Variants in ZNF821 observed in about 807,000 individuals in gnomAD.
The protein encoded by ZNF821 is zinc finger protein 821.
Under a neutral mutation model 44.3 loss-of-function variants are expected in ZNF821, and 16 were observed. The ratio of observed to expected loss-of-function variants is 0.36; its 90% confidence interval spans 0.24 to 0.55. The LOEUF (loss-of-function observed/expected upper bound fraction) is 0.55. Among genes scored for constraint, ZNF821 ranks in the 20% least tolerant of loss-of-function variants. The probability of loss-of-function intolerance (pLI) is 0.86; values close to 1 mark genes in which losing one functional copy is unlikely to be tolerated. For synonymous variants in ZNF821, 204 were observed against 197.6 expected, an observed-to-expected ratio of 1.03 and a Z score of -0.27; for missense variants, 436 against 547.6, an observed-to-expected ratio of 0.80 and a Z score of 2.03.
At chr16:71,887,098 T>C (rs756697797), upstream of ZNF821, among the ~76,000 whole-genome samples, 20 of 152,224 alleles carry the variant, frequency 1.3e-4, no homozygotes, top group Non-Finnish European at 2.6e-4. Context: ...TGGAACGATA[T>C]TTGGCTTGGG....
rs773121010 is a variant in ZNF821 at position 71,860,147 on chromosome 16, G to C, written c.1110C>G (p.Asp370Glu). The change falls in exon 8 of 8, where the codon GAC (aspartate) becomes GAG (glutamate). Residue 370 changes from aspartate (D) to glutamate (E), a missense_variant. This residue lies in a region of ZNF821 where 55 missense variants were observed against 56.9 expected (regional missense o/e 0.97). Transcript: ENST00000425432. This position sits in a 1 kb window ranked among gnomAD's most constrained non-coding sequence, Gnocchi z 7.3. The part of the protein sequence containing the change: ...DMMLRAQFGQ[D>E]PSAMAALAAE... ...CTGCTAAGGCTGCCATGGCAGAAGG[G>C]TCCTGGCCAAACTGAGCTCGCAACA... 2.5e-6 allele frequency: 4 copies of C among 1,614,090 alleles called. No individual in the cohort carries two copies. The highest frequency in any genetic ancestry group is 1.7e-6 in the Non-Finnish European group (2 of 1,180,034).
chr16:71,886,175 C>G (rs2036847928), upstream of ZNF821, among the ~76,000 whole-genome samples: 1 of 152,174 alleles, frequency 6.6e-6, no homozygotes, highest in Non-Finnish European at 1.5e-5. Context: ...TCCCTGTGCT[C>G]TAAAAATTTC....
chr16:71,878,113 CTTTTTTT>C (rs59096817), intron 3 of ZNF821, among the ~76,000 whole-genome samples: 1 of 121,748 alleles, frequency 8.2e-6, no homozygotes, highest in African/African-American at 3.0e-5. Flanking sequence ...AACTATTTGT[CTTTTTTT>C]TTTTTTTTTT....
chr16:71,861,803 C>G lies in ZNF821; in HGVS notation c.557G>C (p.Arg186Pro). The change falls in exon 7 of 8, where the codon CGG becomes CCG. Residue 186 changes from arginine (R) to proline (P), a missense_variant. Physicochemically the swap from Arg to Pro is moderately radical, Grantham distance 103. Around this residue, in one of 5 missense-constraint regions of ZNF821, gnomAD observed 238 missense variants for 281.4 expected, o/e 0.85. Transcript: ENST00000425432. ...GTTAAAAGTGGCATGGCTGGTGAAC[C>G]GGGCTCCACACACAGCACAGTTAGA... is the stretch of plus-strand genomic sequence containing the variant. ...QRSNCAVCGA[R>P]FTSHATFNSE... The G allele has an allele frequency of 6.2e-7, 1 of 1,614,120 alleles. No homozygotes were observed. The highest frequency in any genetic ancestry group is 8.5e-7 in the Non-Finnish European group (1 of 1,180,030).
chr16:71,892,178 CAAAAAA>C lies in ZNF821; in HGVS notation n.448+2705_448+2710del, dbSNP rs560376648. Among the ~76,000 whole-genome samples, 14 of 31,934 alleles carry C rather than the reference CAAAAAA, an allele frequency of 4.4e-4. No homozygotes were observed. The South Asian group carries it at 0.015, about 33-fold the overall frequency. The allele number at this position is 31,934 out of a possible 152,430, so 20.9% of individuals were successfully genotyped here. A position where few individuals can be genotyped will look rare whatever the true frequency, so the allele number is the denominator to read the frequency against. ...GGGCAACAAGAGAGAAACTCCGTCT[CAAAAAA>C]AAAAAAAAAAAAAAAAAAAAAAAAA... On this transcript the variant is annotated intron_variant and non_coding_transcript_variant, in intron 1 of 2. Coordinates refer to the ZNF821 transcript ENST00000561700.
At position 71,883,262 on chromosome 16, in the gene ZNF821, A is replaced by C. The variant is rs2036615487; in HGVS notation, c.-129T>G. ...AGCAAAGCAAACTCGACTGAATCCA[A>C]GTGATCTGTATCTGCCAAAAAGGAG... is the stretch of plus-strand genomic sequence containing the variant. On this transcript the variant is annotated 5_prime_UTR_variant, in exon 2 of 8. Transcript: ENST00000425432. The C allele has an allele frequency of 4.4e-6, 2 of 454,722 alleles. No individual in the cohort carries two copies. Among genetic ancestry groups the C allele is most frequent in the Non-Finnish European group, 8.8e-6 (2 of 226,244 alleles). 28.2% of individuals were successfully genotyped at this position (454,722 alleles called of 1,614,324 possible).
chr16:71,860,294 C>T lies in ZNF821; in HGVS notation c.963G>A (p.Gln321=), dbSNP rs1173426721. 6.2e-7 allele frequency: 1 copy of T among 1,613,268 alleles called. No individual in the cohort carries two copies. Among genetic ancestry groups the T allele is most frequent in the Non-Finnish European group, 8.5e-7 (1 of 1,180,024 alleles). The change falls in exon 8 of 8, where the codon CAG becomes CAA. Residue 321 remains glutamine (Q), a synonymous_variant. Coordinates refer to ENST00000425432, the MANE Select transcript of ZNF821 (RefSeq NM_001201552.2). This position sits in a 1 kb window ranked among gnomAD's most constrained non-coding sequence, Gnocchi z 7.3. ...ETDEQRARRL[Q]RDREAMRLKR... ...TCAGCCTCATGGCCTCCCGATCCCGCTGCAGCCGGCGTGCCCGCTGCTCGT... is the reference window on the plus strand; with the variant it reads ...TCAGCCTCATGGCCTCCCGATCCCGTTGCAGCCGGCGTGCCCGCTGCTCGT...
exon 1 of ZNF821, chr16:71,894,949 CCA>C: frequency 1.1e-6 from 1 of 890,024 alleles, no homozygotes; most frequent in South Asian, 1.4e-5. Context: ...CTGAATTATA[CCA>C]CACAGACCGG....
rs962502289 is a variant in ZNF821, at chr16:71,893,478, G to A, written n.448+1411C>T. On this transcript the variant is annotated intron_variant and non_coding_transcript_variant, in intron 1 of 2. Coordinates refer to the ZNF821 transcript ENST00000561700. The stretch of plus-strand genomic sequence containing the variant: ...CGCCTGGCCCACTTTTTTTTTTTTT[G>A]GGACAGGGTCTCACTCTGCTGCCCA... Among the ~76,000 whole-genome samples the A allele has an allele frequency of 1.8e-4, 25 of 138,526 alleles. 1 individual carries two copies. The highest frequency in any genetic ancestry group is 6.5e-4 in the African/African-American group (24 of 37,126). The allele number at this position is 138,526 out of a possible 152,430, so 90.9% of individuals were successfully genotyped here. A position where few individuals can be genotyped will look rare whatever the true frequency, so the allele number is the denominator to read the frequency against.
At position 71,878,673 on chromosome 16, in the gene ZNF821, T is replaced by C. The variant is rs918113347; in HGVS notation, c.40+1234A>G. 2.6e-5 allele frequency among the ~76,000 whole-genome samples: 4 copies of C among 152,006 alleles called. 1 individual carries two copies. Among genetic ancestry groups the C allele is most frequent in the Admixed American group, 2.6e-4 (4 of 15,276 alleles). On this transcript the variant is annotated intron_variant, in intron 3 of 7. Transcript: ENST00000425432. Reference sequence around the variant, plus strand: ...CAACAGGTGCGGTGGCTCATGCCTGTAATCCCAGCACTTTGGGAGCCCGAG... The same window carrying C: ...CAACAGGTGCGGTGGCTCATGCCTGCAATCCCAGCACTTTGGGAGCCCGAG...
At chr16:71,863,968 G>T (rs1439446354) in intron 6 of ZNF821, among the ~76,000 whole-genome samples, 170 bp downstream of exon 6, 1 of 152,220 alleles carries the variant, frequency 6.6e-6, no homozygotes, top group East Asian at 1.9e-4. Flanking sequence ...ACAGTGCTGG[G>T]ATTACAGGCG....
chr16:71,877,696 G>C (rs973605546), intron 3 of ZNF821, among the ~76,000 whole-genome samples: 4 of 151,620 alleles, frequency 2.6e-5, no homozygotes, highest in Non-Finnish European at 4.4e-5. Context: ...AGGTGGGTAG[G>C]TCACTTGAGC....
chr16:71,860,770 C>A lies in ZNF821; in HGVS notation c.585-98G>T. 1 of 1,257,422 alleles carries A rather than the reference C, an allele frequency of 8.0e-7. No homozygotes were observed. Among genetic ancestry groups the A allele is most frequent in the Non-Finnish European group, 1.1e-6 (1 of 917,456 alleles). 77.9% of individuals were successfully genotyped at this position (1,257,422 alleles called of 1,614,324 possible). On this transcript the variant is annotated intron_variant, in intron 7 of 7. Coordinates refer to ENST00000425432, the MANE Select transcript of ZNF821 (RefSeq NM_001201552.2). The surrounding 1 kb of genome is among the most constrained non-coding windows in gnomAD (Gnocchi z 7.3). Reference sequence around the variant, plus strand: ...TTTTCCTATGAGGCCAGTGGCTCCACGCTCACCACAAGGGGTCAGTTTGAA... The same window carrying A: ...TTTTCCTATGAGGCCAGTGGCTCCAAGCTCACCACAAGGGGTCAGTTTGAA...
At chr16:71,889,062 T>C (rs1187803092), upstream of ZNF821, among the ~76,000 whole-genome samples, 1 of 151,952 alleles carries the variant, frequency 6.6e-6, no homozygotes. Flanking sequence ...CTGGGCAACA[T>C]AGTGAGATCC....
chr16:71,864,492 G>C (rs764423977), intron 5 of ZNF821, among the ~76,000 whole-genome samples: 4 of 152,192 alleles, frequency 2.6e-5, no homozygotes, highest in Non-Finnish European at 2.9e-5. Context: ...TGCAGACAGG[G>C]GTAGCGTTTT....
chr16:71,864,088 A>C, intron 6 of ZNF821, 50 bp downstream of exon 6: 1 of 1,536,116 alleles, frequency 6.5e-7, no homozygotes, highest in Non-Finnish European at 9.0e-7. Context: ...TGGGCTACAG[A>C]CAAGCTGCCC....
rs778822814 is a variant in ZNF821 at position 71,860,430 on chromosome 16, C to T, written c.827G>A (p.Arg276Gln). 1.1e-5 allele frequency: 17 copies of T among 1,613,496 alleles called. No individual in the cohort carries two copies. The highest frequency in any genetic ancestry group is 1.4e-5 in the Non-Finnish European group (16 of 1,180,032). ...PLEVRLQRLE[R>Q]ERTAKKSRRD... ...CCGGCTCTTCTTGGCCGTGCGCTCT[C>T]GTTCCAGCCGCTGCAGCCGTACTTC... is the stretch of plus-strand genomic sequence containing the variant. The change falls in exon 8 of 8, where the codon CGA becomes CAA. Residue 276 changes from arginine (R) to glutamine (Q), a missense_variant. Physicochemically the swap from Arg to Gln is conservative, Grantham distance 43. Transcript: ENST00000425432. The surrounding 1 kb of genome is among the most constrained non-coding windows in gnomAD (Gnocchi z 7.3).
At chr16:71,870,630 G>A (rs755804854) in intron 3 of ZNF821, among the ~76,000 whole-genome samples, 10 of 151,828 alleles carry the variant, frequency 6.6e-5, no homozygotes, top group Non-Finnish European at 1.3e-4. Flanking sequence ...CAAGTGCCCA[G>A]TACCACGCCT....
At chr16:71,883,468 G>C (rs1420347288) in intron 1 of ZNF821, 195 bp from the exon 2 acceptor site, 2 of 338,130 alleles carry the variant, frequency 5.9e-6, no homozygotes, top group African/African-American at 4.3e-5. Flanking sequence ...AGGCGGCTCA[G>C]ACAAACCCTT....
Sources: allele counts gnomAD v4.1 joint callset (sites outside exome capture counted in the v4.1 genomes callset), GRCh38; gene constraint gnomAD v4.1.1; regional missense constraint gnomAD v4.1.1; non-coding constraint Gnocchi (gnomAD v3.1); transcripts MANE v1.5; gene names NCBI Gene and HGNC (gene_info 2026-07-23, HGNC 2026-07-21).